SPOCK2: variants seen among roughly 807,000 people sequenced by gnomAD.
SPOCK2 encodes testican-2.
SPOCK2 carries 39 observed loss-of-function variants against 60.1 expected under a neutral mutation model. The observed-to-expected ratio is 0.65, with a 90% CI of 0.50 to 0.85. The LOEUF (loss-of-function observed/expected upper bound fraction) is 0.85. Among genes scored for constraint, SPOCK2 ranks in the 40% least tolerant of loss-of-function variants. The probability of loss-of-function intolerance (pLI) is 0.00; values close to 1 mark genes in which losing one functional copy is unlikely to be tolerated. For synonymous variants in SPOCK2, 217 were observed against 231.5 expected, an observed-to-expected ratio of 0.94 and a Z score of 0.57; for missense variants, 523 against 567.4, an observed-to-expected ratio of 0.92 and a Z score of 0.80.
chr10:72,080,038 A>G (rs1448955001), intron 1 of SPOCK2, among the ~76,000 whole-genome samples: 2 of 152,148 alleles, frequency 1.3e-5, no homozygotes, highest in Non-Finnish European at 2.9e-5. Context: ...GACACAAGAC[A>G]GGACACCTGA....
chr10:72,078,427 C>T (rs937281851), intron 1 of SPOCK2, among the ~76,000 whole-genome samples: 15 of 151,906 alleles, frequency 9.9e-5, no homozygotes, highest in African/African-American at 2.7e-4. Context: ...AGGAGAATGG[C>T]GTGAACCCGG....
rs531836805 is a variant in SPOCK2, at chr10:72,062,738, G to A, written c.*22C>T. ...AGAGCTCTGCTGTTGAGTCCCCCCC[G>A]GCAGCCGGCTCCTGAGGGCGTCTAC... On this transcript the variant is annotated 3_prime_UTR_variant, in exon 11 of 11. Transcript: ENST00000373109. This position sits in a 1 kb window ranked among gnomAD's most constrained non-coding sequence, Gnocchi z 4.3. The A allele has an allele frequency of 4.1e-5, 65 of 1,588,686 alleles. No individual in the cohort carries two copies. The highest frequency in any genetic ancestry group is 2.7e-4 in the African/African-American group (20 of 73,490).
chr10:72,067,620 C>A lies in SPOCK2; in HGVS notation c.702G>T (p.Pro234=), dbSNP rs144321258. 1 of 1,612,762 alleles carries A rather than the reference C, an allele frequency of 6.2e-7. No individual in the cohort carries two copies. Among genetic ancestry groups the A allele is most frequent in the Non-Finnish European group, 8.5e-7 (1 of 1,179,988 alleles). The change falls in exon 7 of 11, where the codon CCG becomes CCT. Residue 234 remains proline (P), a synonymous_variant. Transcript: ENST00000373109. Reference sequence around the variant, plus strand: ...GAGCAGCAAGCTTCCTACCGCTGGCCGGGCCGGCTACACTGCTGGCTGAGC... The same window carrying A: ...GAGCAGCAAGCTTCCTACCGCTGGCAGGGCCGGCTACACTGCTGGCTGAGC... ...QNGSASSVAG[P]ASGLDKSLGA... is the part of the protein sequence containing the mutation.
chr10:72,071,135 CAGGCAGAGCCTTGTCCTTGGGCTGGAGCT>C (rs1840641543), intron 4 of SPOCK2, among the ~76,000 whole-genome samples: 1 of 152,016 alleles, frequency 6.6e-6, no homozygotes, highest in Admixed American at 6.6e-5. Context: ...GTCTTGGAGC[CAGGCAGAGCCTTGTCCTTGGGCTGGAGCT>C]AAGACTTCCT....
intron 7 of SPOCK2, among the ~76,000 whole-genome samples, chr10:72,067,344 A>G (rs950825268): frequency 6.6e-6 from 1 of 152,228 alleles, no homozygotes; most frequent in African/African-American, 2.4e-5. Context: ...AAAGCCCTGC[A>G]GGGAAAAGAA....
intron 1 of SPOCK2, 128 bp downstream of exon 1, chr10:72,088,012 C>G: frequency 8.3e-7 from 1 of 1,206,202 alleles, no homozygotes. Flanking sequence ...GTTTACTTTC[C>G]GTGTAATTAG....
chr10:72,082,022 T>C (rs1840792391), intron 1 of SPOCK2, among the ~76,000 whole-genome samples: 1 of 152,192 alleles, frequency 6.6e-6, no homozygotes, highest in Non-Finnish European at 1.5e-5. Context: ...AGGCTGACTG[T>C]TCCCAGACCC....
Position 72,088,262 on chromosome 10 carries a change from C to T in SPOCK2, c.67G>A (p.Glu23Lys), listed in dbSNP as rs372206624. ...TCCTTGAGCCCCTTGGCGTCGCCTT[C>T]GGCCAGGGCTGCCGCGGCCAGGAGC... Reference protein sequence around the residue: ...LLLLAAAALAEGDAKGLKEGE... With the variant: ...LLLLAAAALAKGDAKGLKEGE... The change falls in exon 1 of 11, where the codon GAA (glutamate) becomes AAA (lysine). Residue 23 changes from glutamate to lysine, a missense_variant. Transcript: ENST00000373109. 3.1e-6 allele frequency: 5 copies of T among 1,608,208 alleles called. No homozygotes were observed. Among genetic ancestry groups the T allele is most frequent in the South Asian group, 1.1e-5 (1 of 90,588 alleles).
rs1840469596 is a variant in SPOCK2, at chr10:72,059,899, A to G, written c.*2861T>C. 6.5e-6 allele frequency: 1 copy of G among 152,800 alleles called. No homozygotes were observed. Among genetic ancestry groups the G allele is most frequent in the African/African-American group, 2.4e-5 (1 of 41,440 alleles). 9.5% of individuals were successfully genotyped at this position (152,800 alleles called of 1,614,324 possible). On this transcript the variant is annotated 3_prime_UTR_variant, in exon 11 of 11. Transcript: ENST00000373109. ...CACCTCCCCCAGCACCCATGGGCCA[A>G]GGAGGCCTGGGGCAGCCAAGGGGAG...
At chr10:72,067,159 A>G (rs1465215286) in intron 7 of SPOCK2, 39 bp from the exon 8 acceptor site, 4 of 1,573,352 alleles carry the variant, frequency 2.5e-6, no homozygotes, top group Non-Finnish European at 3.5e-6. Context: ...TCATCTGGCT[A>G]TTCAGCCGTT....
chr10:72,064,302 C>T lies in SPOCK2; in HGVS notation c.929-62G>A, dbSNP rs1589117219. 12 of 1,469,332 alleles carry T rather than the reference C, an allele frequency of 8.2e-6. No homozygotes were observed. In the East Asian group the frequency reaches 9.9e-5, roughly 12 times the overall value. The allele number at this position is 1,469,332 out of a possible 1,614,324, so 91.0% of individuals were successfully genotyped here. A position where few individuals can be genotyped will look rare whatever the true frequency, so the allele number is the denominator to read the frequency against. ...CCTGGTGCTGGGGGGATGCACTGAG[C>T]CCTTCAAGGCTTAGAGACCCAGGCA... is the stretch of plus-strand genomic sequence containing the variant. On this transcript the variant is annotated intron_variant, in intron 8 of 10. Coordinates refer to ENST00000373109, the MANE Select transcript of SPOCK2 (RefSeq NM_001244950.2).
rs747222094 is a variant in SPOCK2, at chr10:72,064,252, G to A, written c.929-12C>T. On this transcript the variant is annotated splice_polypyrimidine_tract_variant and intron_variant, in intron 8 of 10. Transcript: ENST00000373109. ...CAGGCAGGGGGGCTCTGTGGGGAGA[G>A]AAGCAGCCTCTGATGGGACTGTCCC... 3 of 1,586,220 alleles carry A rather than the reference G, an allele frequency of 1.9e-6. No homozygotes were observed. The highest frequency in any genetic ancestry group is 2.6e-6 in the Non-Finnish European group (3 of 1,169,952).
chr10:72,086,559 C>T (rs922447533), intron 1 of SPOCK2: 3 of 1,143,408 alleles, frequency 2.6e-6, no homozygotes, highest in Non-Finnish European at 3.2e-6. Context: ...CCCCTCGCTG[C>T]TGTGGCCGGG....
chr10:72,067,679 A>T lies in SPOCK2; in HGVS notation c.643T>A (p.Phe215Ile). Reference protein sequence around the residue: ...ADLGDRLRDWFQLLHENSKQN... With the variant: ...ADLGDRLRDWIQLLHENSKQN... ...TTGGAGTTCTCATGAAGGAGCTGGA[A>T]CCAGTCCCGCAGCCGATCTCCCAGG... The change falls in exon 7 of 11, where the codon TTC becomes ATC. Residue 215 changes from phenylalanine (F) to isoleucine (I), a missense_variant. Phe to Ile is a conservative substitution (Grantham distance 21). Coordinates refer to ENST00000373109, the MANE Select transcript of SPOCK2 (RefSeq NM_001244950.2). 6.2e-7 allele frequency: 1 copy of T among 1,613,726 alleles called. No homozygotes were observed. The highest frequency in any genetic ancestry group is 8.5e-7 in the Non-Finnish European group (1 of 1,179,954).
At chr10:72,068,425 A>C in intron 5 of SPOCK2, 124 bp from the exon 6 acceptor site, 1 of 1,015,938 alleles carries the variant, frequency 9.8e-7, no homozygotes, top group Non-Finnish European at 1.4e-6. Context: ...GCCCATGAAC[A>C]GCCTGAAGGG....
upstream of SPOCK2, chr10:72,088,597 C>A: frequency 5.4e-6 from 2 of 369,014 alleles, no homozygotes; most frequent in Non-Finnish European, 9.7e-6. Context: ...ATCAGCATCA[C>A]GTTTGACATC....
intron 1 of SPOCK2, among the ~76,000 whole-genome samples, chr10:72,073,408 G>A (rs1427057828): frequency 6.6e-6 from 1 of 152,194 alleles, no homozygotes; most frequent in Non-Finnish European, 1.5e-5. Flanking sequence ...GTCTGCAAAG[G>A]GATGCTTTTT....
chr10:72,079,389 G>A (rs1840754573), intron 1 of SPOCK2, among the ~76,000 whole-genome samples: 1 of 152,212 alleles, frequency 6.6e-6, no homozygotes, highest in African/African-American at 2.4e-5. Flanking sequence ...GGAAGGGGAA[G>A]ACACCTGGGG....
At position 72,072,965 on chromosome 10, in the gene SPOCK2, G is replaced by A. The variant is rs1385984357; in HGVS notation, c.190-55C>T. On this transcript the variant is annotated intron_variant, in intron 1 of 10. Coordinates refer to ENST00000373109, the MANE Select transcript of SPOCK2 (RefSeq NM_001244950.2). ...GGAAAACGGAGCAGGAAGAGAAAGG[G>A]AGAAAGATGGGGATATCAGTGTGAG... 4.5e-6 allele frequency: 7 copies of A among 1,551,848 alleles called. No individual in the cohort carries two copies. In the African/African-American group the frequency reaches 9.6e-5, roughly 21 times the overall value.
Sources: gnomAD v4.1 joint callset for allele counts (sites outside exome capture counted in the v4.1 genomes callset) on GRCh38, gnomAD v4.1.1 for gene constraint, Gnocchi (gnomAD v3.1) non-coding constraint, MANE v1.5 for transcripts, NCBI Gene and HGNC (gene_info 2026-07-23, HGNC 2026-07-21) for gene names.